TSHZ2: variants seen among roughly 807,000 people sequenced by gnomAD.
The protein encoded by TSHZ2 is teashirt zinc finger homeobox 2.
Under a neutral mutation model 74.4 loss-of-function variants are expected in TSHZ2, and 21 were observed. That is an observed-to-expected ratio of 0.28 (90% CI 0.20 to 0.41). TSHZ2 has a LOEUF of 0.41. TSHZ2 is among the 10% of genes least tolerant of loss of function. The pLI is 1.00. For synonymous variants in TSHZ2, 540 were observed against 515.3 expected (o/e 1.05, Z -0.65); for missense variants, 1,244 against 1,293.5 (o/e 0.96, Z 0.59).
chr20:53,189,334 G>T (rs1384310471), intron 1 of TSHZ2, among the ~76,000 whole-genome samples: 5 of 152,162 alleles, frequency 3.3e-5, no homozygotes, highest in Non-Finnish European at 7.3e-5. Context: ...AGACAATGGT[G>T]AACTCCAGGG....
chr20:53,038,207 A>C (rs1983894664), intron 1 of TSHZ2, among the ~76,000 whole-genome samples: 1 of 85,112 alleles, frequency 1.2e-5, no homozygotes, highest in South Asian at 4.9e-4. Flanking sequence ...AAAAAAAAAA[A>C]AAAAAAAAAA....
rs147785908 is a variant in TSHZ2 at position 53,210,828 on chromosome 20, C to T, written c.41-42671C>T. Among the ~76,000 whole-genome samples the T allele has an allele frequency of 1.7e-3, 260 of 152,128 alleles. 1 individual carries two copies. Among genetic ancestry groups the T allele is most frequent in the African/African-American group, 5.0e-3 (209 of 41,496 alleles). On this transcript the variant is annotated intron_variant, in intron 1 of 2. Coordinates refer to ENST00000371497, the MANE Select transcript of TSHZ2 (RefSeq NM_173485.6). ...CTCAATTAAAAAGTGTGTGCATATC[C>T]GTGTGTGTGTCCACACAAAATCTCT...
At chr20:53,140,726 C>T (rs533237716) in intron 1 of TSHZ2, among the ~76,000 whole-genome samples, 4 of 152,238 alleles carry the variant, frequency 2.6e-5, no homozygotes, top group South Asian at 2.1e-4. Flanking sequence ...GACCTTTGCA[C>T]GTTTCCAGTC....
chr20:53,042,004 G>A (rs2123100516), intron 1 of TSHZ2, among the ~76,000 whole-genome samples: 1 of 152,162 alleles, frequency 6.6e-6, no homozygotes, highest in South Asian at 2.1e-4. Flanking sequence ...AGATTTTCCT[G>A]GAAGGAAATA....
chr20:53,383,262 C>CA (rs11475983), intron 2 of TSHZ2, among the ~76,000 whole-genome samples: 4,651 of 133,890 alleles, frequency 0.035, 234 homozygotes, highest in African/African-American at 0.13. Flanking sequence ...AACTCTGTCT[C>CA]AAAAAAAAAA....
intron 1 of TSHZ2, among the ~76,000 whole-genome samples, chr20:53,099,659 G>C (rs936165491): frequency 1.4e-4 from 21 of 152,306 alleles, no homozygotes; most frequent in African/African-American, 4.8e-4. Context: ...AAGGCGAAAG[G>C]CATGTCTTAC....
intron 1 of TSHZ2, among the ~76,000 whole-genome samples, chr20:53,046,485 C>T (rs1984232313): frequency 6.6e-6 from 1 of 152,172 alleles, no homozygotes; most frequent in African/African-American, 2.4e-5. Context: ...GAGATATTAT[C>T]ACCCTAAGCT....
chr20:53,150,388 G>A (rs1180101620), intron 1 of TSHZ2, among the ~76,000 whole-genome samples: 1 of 152,192 alleles, frequency 6.6e-6, no homozygotes, highest in Non-Finnish European at 1.5e-5. Flanking sequence ...TACAGCCAGT[G>A]AGTCAAATCC....
chr20:53,376,332 C>G (rs571399160), intron 2 of TSHZ2, among the ~76,000 whole-genome samples: 1 of 152,140 alleles, frequency 6.6e-6, no homozygotes, highest in East Asian at 1.9e-4. Context: ...GATGGACCAT[C>G]CTTGTAATAA....
intron 1 of TSHZ2, among the ~76,000 whole-genome samples, chr20:53,038,856 C>G (rs1417827684): frequency 9.9e-6 from 1 of 100,598 alleles, no homozygotes; most frequent in Non-Finnish European, 2.2e-5. Context: ...CTTTTCACTT[C>G]TTGTTTTTTT....
chr20:53,009,765 A>G (rs928627479), intron 1 of TSHZ2, among the ~76,000 whole-genome samples: 1 of 152,292 alleles, frequency 6.6e-6, no homozygotes, highest in South Asian at 2.1e-4. Flanking sequence ...GCAAATTTCC[A>G]TGTTATTTCA....
intron 1 of TSHZ2, among the ~76,000 whole-genome samples, chr20:53,188,473 C>A (rs1019780939): frequency 6.6e-6 from 1 of 152,190 alleles, no homozygotes; most frequent in Non-Finnish European, 1.5e-5. Context: ...TTCTCTAGGA[C>A]AGAGAAGCTT....
intron 1 of TSHZ2, among the ~76,000 whole-genome samples, chr20:53,248,791 G>T (rs1003361474): frequency 2.6e-5 from 4 of 152,146 alleles, no homozygotes; most frequent in African/African-American, 9.7e-5. Context: ...GTTGGTAGCT[G>T]GGTTGTTCTG....
chr20:53,169,685 C>T (rs948237188), intron 1 of TSHZ2, among the ~76,000 whole-genome samples: 6 of 152,130 alleles, frequency 3.9e-5, no homozygotes, highest in African/African-American at 1.4e-4. Context: ...GTCATTCCCC[C>T]TCCCCTTTTT....
intron 1 of TSHZ2, among the ~76,000 whole-genome samples, chr20:53,220,750 G>A (rs892651418): frequency 6.6e-6 from 1 of 151,726 alleles, no homozygotes; most frequent in Admixed American, 6.6e-5. Flanking sequence ...TTTTGTGAAT[G>A]AAGGACTAAG....
chr20:53,095,916 G>A (rs1191766767), intron 1 of TSHZ2, among the ~76,000 whole-genome samples: 1 of 152,138 alleles, frequency 6.6e-6, no homozygotes, highest in Non-Finnish European at 1.5e-5. Flanking sequence ...AAGGGGGAAA[G>A]AGCCACTCCT....
At chr20:53,217,979 AAC>A (rs2123631979) in intron 1 of TSHZ2, among the ~76,000 whole-genome samples, 1 of 152,334 alleles carries the variant, frequency 6.6e-6, no homozygotes, top group East Asian at 1.9e-4. Context: ...CTCCTCCCTG[AAC>A]AATACAGACA....
chr20:53,467,233 C>T (rs915158626), intron 2 of TSHZ2, among the ~76,000 whole-genome samples: 7 of 152,132 alleles, frequency 4.6e-5, no homozygotes, highest in Admixed American at 1.3e-4. Context: ...GAAAAATTTT[C>T]TTAGCTTCCC....
rs1020511295 is a variant in TSHZ2 at position 53,487,847 on chromosome 20, A to G, written c.*712A>G. On this transcript the variant is annotated 3_prime_UTR_variant, in exon 3 of 3. Coordinates refer to ENST00000371497, the MANE Select transcript of TSHZ2 (RefSeq NM_173485.6). Reference sequence around the variant, plus strand: ...TTAAGCTTAACCATGTTGCTGCCAAAGACTTTTCCTATGCAGTGGTGGGGC... The same window carrying G: ...TTAAGCTTAACCATGTTGCTGCCAAGGACTTTTCCTATGCAGTGGTGGGGC... 2 of 152,194 alleles carry G rather than the reference A, an allele frequency of 1.3e-5. No individual in the cohort carries two copies. Among genetic ancestry groups the G allele is most frequent in the Non-Finnish European group, 2.9e-5 (2 of 68,044 alleles). 9.4% of individuals were successfully genotyped at this position (152,194 alleles called of 1,614,324 possible).
Sources: gnomAD v4.1 joint callset for allele counts (sites outside exome capture counted in the v4.1 genomes callset) on GRCh38, gnomAD v4.1.1 for gene constraint, MANE v1.5 for transcripts, NCBI Gene and HGNC (gene_info 2026-07-23, HGNC 2026-07-21) for gene names.